The following RNPEPL1 variants were observed in gnomAD, a reference collection of about 807,000 sequenced individuals.
RNPEPL1 encodes the protein arginyl aminopeptidase like 1.
Under a neutral mutation model 69.0 loss-of-function variants are expected in RNPEPL1, and 46 were observed. That is an observed-to-expected ratio of 0.67 (90% confidence interval 0.53 to 0.85). The LOEUF (loss-of-function observed/expected upper bound fraction) is 0.85, where lower values mean the gene tolerates loss of function less well. Ranked by LOEUF, RNPEPL1 falls within the 40% of genes least tolerant of loss-of-function variation. The probability of loss-of-function intolerance (pLI) is 0.00; values close to 1 mark genes in which losing one functional copy is unlikely to be tolerated. For synonymous variants in RNPEPL1, 525 were observed against 454.1 expected (o/e 1.16, Z -1.98); for missense variants, 869 against 992.5 (o/e 0.88, Z 1.67).
rs1056740098 is a variant in RNPEPL1 at position 240,576,950 on chromosome 2, A to T, written c.1844A>T (p.Tyr615Phe). ...WLQIVVRNDY[Y>F]PDLHRVRRFL... ...CAGATTGTGGTCCGCAACGACTACT[A>T]TCCTGACCTCCACAGGGTGCGGCGC... The change falls in exon 10 of 11, where the codon TAT (tyrosine) becomes TTT (phenylalanine). Residue 615 changes from tyrosine to phenylalanine, a missense_variant. Physicochemically the swap from Tyr to Phe is conservative, Grantham distance 22. This residue lies in a region of RNPEPL1 where 610 missense variants were observed against 790.9 expected (regional missense o/e 0.77). Coordinates refer to ENST00000270357, the MANE Select transcript of RNPEPL1 (RefSeq NM_018226.6). The T allele has an allele frequency of 1.9e-6, 3 of 1,613,402 alleles. No homozygotes were observed. The highest frequency in any genetic ancestry group is 4.5e-5 in the East Asian group (2 of 44,866).
chr2:240,577,606 G>C lies in RNPEPL1; in HGVS notation c.1892G>C (p.Arg631Pro). ...CGAGTGCCCCTCCTGCAGATGTCAC[G>C]CATGTACACCATCCCGCTGTACGAG... The part of the protein sequence containing the change: ...VRRFLESQMS[R>P]MYTIPLYEDL... The change falls in exon 11 of 11, where the codon CGC (arginine) becomes CCC (proline). Residue 631 changes from arginine (R) to proline (P), a missense_variant. Arg to Pro is a moderately radical substitution (Grantham distance 103). Transcript: ENST00000270357. The C allele has an allele frequency of 1.3e-6, 2 of 1,574,120 alleles. No homozygotes were observed. The highest frequency in any genetic ancestry group is 1.7e-6 in the Non-Finnish European group (2 of 1,152,750).
chr2:240,571,093 G>GC (rs944175805), intron 1 of RNPEPL1, among the ~76,000 whole-genome samples: 91 of 151,856 alleles, frequency 6.0e-4, no homozygotes, highest in Middle Eastern at 3.4e-3. Context: ...CCAGGTCCCA[G>GC]CCCCCCCCAA....
rs578169398 is a variant in RNPEPL1 at position 240,575,375 on chromosome 2, G to A, written c.1402-127G>A. On this transcript the variant is annotated intron_variant, in intron 7 of 10. Coordinates refer to ENST00000270357, the MANE Select transcript of RNPEPL1 (RefSeq NM_018226.6). ...GCGTGCCAAGTGCTGGCTCCGCAGT[G>A]CCCACTAGCTGCCCCTGTGCCCAGC... The A allele has an allele frequency of 6.0e-5, 52 of 863,296 alleles. 1 individual carries two copies. In the South Asian group the frequency reaches 7.7e-4, roughly 13 times the overall value. 53.5% of individuals were successfully genotyped at this position (863,296 alleles called of 1,614,324 possible). A position where few individuals can be genotyped will look rare whatever the true frequency, so the allele number is the denominator to read the frequency against.
Position 240,576,469 on chromosome 2 carries a change from G to C in RNPEPL1, c.1511-66G>C, listed in dbSNP as rs1385998416. The C allele has an allele frequency of 2.8e-6, 4 of 1,449,582 alleles. No homozygotes were observed. In the Admixed American group the frequency reaches 6.1e-5, roughly 22 times the overall value. The allele number at this position is 1,449,582 out of a possible 1,614,324, so 89.8% of individuals were successfully genotyped here. ...CACACTCAGGGTCTGGGGTCTCCTG[G>C]GCAGATTGCTCAGGCAGCCCCTTCC... On this transcript the variant is annotated intron_variant, in intron 8 of 10. Transcript: ENST00000270357.
At chr2:240,574,479 C>A (rs769877206) in intron 5 of RNPEPL1, 36 bp from the exon 6 acceptor site, 3 of 1,581,000 alleles carry the variant, frequency 1.9e-6, no homozygotes, top group Non-Finnish European at 2.6e-6. Context: ...ACCCCTACAC[C>A]CCCTCACCTC....
Position 240,578,560 on chromosome 2 carries a change from T to A in RNPEPL1, c.*668T>A, listed in dbSNP as rs1298462986. The A allele has an allele frequency of 6.6e-6, 1 of 152,168 alleles. No homozygotes were observed. The highest frequency in any genetic ancestry group is 1.5e-5 in the Non-Finnish European group (1 of 68,068). The allele number at this position is 152,168 out of a possible 1,614,324, so 9.4% of individuals were successfully genotyped here. On this transcript the variant is annotated 3_prime_UTR_variant, in exon 11 of 11. Transcript: ENST00000270357. ...GCCTGTCTCTTGTAGCTTCCTGGGG[T>A]GGGAGGCACAGGGGCAAAGCAATAC...
In RNPEPL1 at chr2:240,575,101, C is replaced by A. The variant is rs923966543; in HGVS notation, c.1360C>A (p.Gln454Lys). ...KGYCFVYYLS[Q>K]LCGDPQRFDD... ...CTACTGCTTCGTGTACTACCTGTCC[C>A]AGCTCTGCGGAGACCCACAGCGCTT... Residue 454 changes from glutamine (Q) to lysine (K), a missense_variant, in exon 7 of 11, where the codon CAG (glutamine) becomes AAG (lysine). Physicochemically the swap from Gln to Lys is moderately conservative, Grantham distance 53. Coordinates refer to ENST00000270357, the MANE Select transcript of RNPEPL1 (RefSeq NM_018226.6). 2 of 1,613,680 alleles carry A rather than the reference C, an allele frequency of 1.2e-6. No homozygotes were observed. The highest frequency in any genetic ancestry group is 1.7e-6 in the Non-Finnish European group (2 of 1,180,016).
chr2:240,576,781 T>C lies in RNPEPL1; in HGVS notation c.1741+16T>C. On this transcript the variant is annotated intron_variant, in intron 9 of 10. Coordinates refer to ENST00000270357, the MANE Select transcript of RNPEPL1 (RefSeq NM_018226.6). ...CTGCCGCAGGGTGAGTCCCTGCAGC[T>C]GATGGGGGCGGCCCAGGGGCTGGGG... 4 of 1,612,510 alleles carry C rather than the reference T, an allele frequency of 2.5e-6. No homozygotes were observed. Among genetic ancestry groups the C allele is most frequent in the Non-Finnish European group, 3.4e-6 (4 of 1,179,670 alleles).
chr2:240,575,148 C>G lies in RNPEPL1; in HGVS notation c.1401+6C>G, dbSNP rs752810686. The G allele has an allele frequency of 6.2e-7, 1 of 1,607,412 alleles. No individual in the cohort carries two copies. The highest frequency in any genetic ancestry group is 1.1e-5 in the South Asian group (1 of 90,962). The stretch of plus-strand genomic sequence containing the variant: ...GCTTTGATGACTTTCTCCGAGTGAG[C>G]AGCCCCCTGCCCGGGACGGCCCTGC... On this transcript the variant is annotated splice_donor_region_variant and intron_variant, in intron 7 of 10. Coordinates refer to ENST00000270357, the MANE Select transcript of RNPEPL1 (RefSeq NM_018226.6).
chr2:240,569,131 C>T lies in RNPEPL1; in HGVS notation c.528+17C>T. ...GCCCCCGCCGTGAGTCCGGGGCGGG[C>T]GCCGGGGCTGCGGGCCGGTCCGCAG... On this transcript the variant is annotated intron_variant, in intron 1 of 10. Coordinates refer to ENST00000270357, the MANE Select transcript of RNPEPL1 (RefSeq NM_018226.6). 1 of 1,465,026 alleles carries T rather than the reference C, an allele frequency of 6.8e-7. No homozygotes were observed. The highest frequency in any genetic ancestry group is 9.0e-7 in the Non-Finnish European group (1 of 1,115,480). 90.8% of individuals were successfully genotyped at this position (1,465,026 alleles called of 1,614,324 possible).
At position 240,579,761 on chromosome 2, in the gene RNPEPL1, C is replaced by T. The variant is rs1367435524; in HGVS notation, c.*1869C>T. The T allele has an allele frequency of 6.6e-6, 1 of 152,250 alleles. No homozygotes were observed. Among genetic ancestry groups the T allele is most frequent in the Non-Finnish European group, 1.5e-5 (1 of 68,068 alleles). The allele number at this position is 152,250 out of a possible 1,614,324, so 9.4% of individuals were successfully genotyped here. A position where few individuals can be genotyped will look rare whatever the true frequency, so the allele number is the denominator to read the frequency against. Reference sequence around the variant, plus strand: ...GCTTGATGGTGTCCTCAAAGGAGCCCTGCTCAGTGGCAGAACTGCTTTCTC... The same window carrying T: ...GCTTGATGGTGTCCTCAAAGGAGCCTTGCTCAGTGGCAGAACTGCTTTCTC... On this transcript the variant is annotated 3_prime_UTR_variant, in exon 11 of 11. Transcript: ENST00000270357.
chr2:240,577,067 C>G (rs1312059047), intron 10 of RNPEPL1, 77 bp downstream of exon 10: 10 of 1,573,566 alleles, frequency 6.4e-6, no homozygotes, highest in Non-Finnish European at 8.7e-6. Context: ...ACTCCCTAGT[C>G]TGAGCCCTTG....
chr2:240,573,840 A>T lies in RNPEPL1; in HGVS notation c.887A>T (p.Glu296Val). 2 of 1,557,588 alleles carry T rather than the reference A, an allele frequency of 1.3e-6. No individual in the cohort carries two copies. Among genetic ancestry groups the T allele is most frequent in the Non-Finnish European group, 8.7e-7 (1 of 1,151,114 alleles). The change falls in exon 4 of 11, where the codon GAG becomes GTG. Residue 296 changes from glutamate to valine, a missense_variant. By Grantham distance (121) the Glu-to-Val change is moderately radical. Transcript: ENST00000270357. ...TATSKLSGAVEQWLSAAERLY... is the reference protein window; with the variant it reads ...TATSKLSGAVVQWLSAAERLY... ...ACCAGCAAGCTGTCGGGCGCAGTGG[A>T]GCAGTGGCTGAGTGCAGCTGAGCGG...
chr2:240,574,097 C>T lies in RNPEPL1; in HGVS notation c.939-16C>T, dbSNP rs775901654. ...GAGCCCCGAGGTCTGCCACCCTCAC[C>T]GCCCTCCCGGTGCAGGTACGACATT... On this transcript the variant is annotated splice_polypyrimidine_tract_variant and intron_variant, in intron 4 of 10. Coordinates refer to ENST00000270357, the MANE Select transcript of RNPEPL1 (RefSeq NM_018226.6). The T allele has an allele frequency of 1.6e-5, 25 of 1,607,582 alleles. No homozygotes were observed. Among genetic ancestry groups the T allele is most frequent in the East Asian group, 2.2e-5 (1 of 44,822 alleles).
intron 10 of RNPEPL1, 22 bp downstream of exon 10, chr2:240,577,012 G>A (rs199961229): frequency 1.9e-6 from 3 of 1,611,694 alleles, no homozygotes; most frequent in East Asian, 2.2e-5. Context: ...TGCCCAGGGG[G>A]CCAGCCTGGA....
chr2:240,578,547 T>A lies in RNPEPL1; in HGVS notation c.*655T>A, dbSNP rs1575440095. On this transcript the variant is annotated 3_prime_UTR_variant, in exon 11 of 11. Coordinates refer to ENST00000270357, the MANE Select transcript of RNPEPL1 (RefSeq NM_018226.6). Reference sequence around the variant, plus strand: ...TGGGGACAGGACAGCCTGTCTCTTGTAGCTTCCTGGGGTGGGAGGCACAGG... The same window carrying A: ...TGGGGACAGGACAGCCTGTCTCTTGAAGCTTCCTGGGGTGGGAGGCACAGG... 6.6e-6 allele frequency: 1 copy of A among 152,486 alleles called. No homozygotes were observed. Among genetic ancestry groups the A allele is most frequent in the East Asian group, 1.9e-4 (1 of 5,236 alleles). The allele number at this position is 152,486 out of a possible 1,614,324, so 9.4% of individuals were successfully genotyped here.
chr2:240,577,129 G>A, intron 10 of RNPEPL1, 139 bp downstream of exon 10: 1 of 1,085,520 alleles, frequency 9.2e-7, no homozygotes, highest in Non-Finnish European at 1.3e-6. Flanking sequence ...GTAGGGGTCT[G>A]TTGGGAGTGG....
intron 1 of RNPEPL1, among the ~76,000 whole-genome samples, chr2:240,570,458 A>G (rs1231503521): frequency 6.6e-6 from 1 of 152,144 alleles, no homozygotes; most frequent in African/African-American, 2.4e-5. Context: ...TTCGACTCTA[A>G]CCTCAGGCAT....
At chr2:240,573,411 ACCG>A in intron 3 of RNPEPL1, 150 bp downstream of exon 3, 1 of 402,770 alleles carries the variant, frequency 2.5e-6, no homozygotes, top group Admixed American at 6.4e-5. Flanking sequence ...CCTTGGTGCC[ACCG>A]CCAGGGCCCT....
Sources: allele counts gnomAD v4.1 joint callset (sites outside exome capture counted in the v4.1 genomes callset), GRCh38; gene constraint gnomAD v4.1.1; regional missense constraint gnomAD v4.1.1; transcripts MANE v1.5; gene names NCBI Gene and HGNC (gene_info 2026-07-23, HGNC 2026-07-21).